CAMK2D: variants seen among roughly 807,000 people sequenced by gnomAD.
CAMK2D encodes the protein calcium/calmodulin dependent protein kinase II delta, also known as calcium/calmodulin-dependent protein kinase type II subunit delta.
A neutral mutation model predicts 84.0 loss-of-function variants in CAMK2D; 37 were observed. The observed-to-expected ratio is 0.44, with a 90% CI of 0.34 to 0.58. The LOEUF is 0.58. Ranked by LOEUF, CAMK2D falls within the 20% of genes least tolerant of loss-of-function variation. The probability of loss-of-function intolerance (pLI) is 0.02; values close to 1 mark genes in which losing one functional copy is unlikely to be tolerated. For missense variants in CAMK2D, 448 were observed against 652.5 expected (o/e 0.69, Z 3.41); for synonymous variants, 202 against 212.5 (o/e 0.95, Z 0.43).
intron 3 of CAMK2D, among the ~76,000 whole-genome samples, chr4:113,633,124 C>T (rs527787585): frequency 3.9e-5 from 6 of 152,238 alleles, no homozygotes; most frequent in East Asian, 1.9e-4. Context: ...GGAAACTAAA[C>T]GTAGGCATTA....
intron 3 of CAMK2D, among the ~76,000 whole-genome samples, chr4:113,630,992 T>C (rs894940638): frequency 1.3e-5 from 2 of 152,134 alleles, no homozygotes; most frequent in African/African-American, 4.8e-5. Flanking sequence ...TCACGACATA[T>C]TAAAAAAATC....
chr4:113,494,661 G>C lies in CAMK2D; in HGVS notation c.1135+5802C>G, dbSNP rs1052233787. 6.1e-3 allele frequency among the ~76,000 whole-genome samples: 922 copies of C among 152,344 alleles called. 8 individuals are homozygous for C. The highest frequency in any genetic ancestry group is 0.021 in the African/African-American group (863 of 41,574). On this transcript the variant is annotated intron_variant, in intron 16 of 20. Transcript: ENST00000511664. ...GGCAGGCCTCCTTGAGCTGTGGTGG[G>C]CTCCACCCAGTTCGAGCTTCCCGGC... is the stretch of plus-strand genomic sequence containing the variant.
intron 2 of CAMK2D, among the ~76,000 whole-genome samples, chr4:113,665,841 C>T (rs1245895161): frequency 2.6e-5 from 4 of 152,164 alleles, no homozygotes; most frequent in Admixed American, 2.6e-4. Context: ...GCCATATAAA[C>T]AATGCCTTAA....
chr4:113,506,822 CT>C (rs1288315918), intron 13 of CAMK2D, among the ~76,000 whole-genome samples: 2 of 152,092 alleles, frequency 1.3e-5, no homozygotes, highest in Non-Finnish European at 2.9e-5. Flanking sequence ...CCAAGAACTG[CT>C]TTATTTTAGT....
intron 2 of CAMK2D, among the ~76,000 whole-genome samples, chr4:113,694,069 G>C (rs1202296353): frequency 6.6e-6 from 1 of 152,088 alleles, no homozygotes; most frequent in Non-Finnish European, 1.5e-5. Flanking sequence ...GAAAATTAAA[G>C]ACGCATTCAT....
chr4:113,466,680 T>C (rs961076448), intron 16 of CAMK2D, among the ~76,000 whole-genome samples: 15 of 152,210 alleles, frequency 9.9e-5, no homozygotes, highest in Middle Eastern at 6.3e-3. Context: ...TTGTTTCTAT[T>C]CCTAGCCCAT....
At chr4:113,608,389 T>C (rs62315054) in intron 4 of CAMK2D, among the ~76,000 whole-genome samples, 9,566 of 152,318 alleles carry the variant, frequency 0.063, 436 homozygotes, top group Non-Finnish European at 0.095. Flanking sequence ...ATTATGTAGC[T>C]ATTTCTCTAT....
At chr4:113,639,080 CA>C (rs779226375) in intron 3 of CAMK2D, among the ~76,000 whole-genome samples, 376 of 127,228 alleles carry the variant, frequency 3.0e-3, no homozygotes, top group Admixed American at 2.9e-3. Flanking sequence ...TTGCCTCTAC[CA>C]AAAAAAAAAA....
chr4:113,505,074 A>T (rs553962054), intron 13 of CAMK2D, 39 bp from the exon 14 acceptor site: 55 of 1,291,604 alleles, frequency 4.3e-5, no homozygotes, highest in Middle Eastern at 1.8e-4. Context: ...GATGCCTTAA[A>T]CCCCTTGGTA....
At chr4:113,623,738 CTGTGTGTGTGTG>C (rs3064581) in intron 3 of CAMK2D, among the ~76,000 whole-genome samples, 1 of 148,954 alleles carries the variant, frequency 6.7e-6, no homozygotes, top group Non-Finnish European at 1.5e-5. Context: ...TATGCAGTGA[CTGTGTGTGTGTG>C]TGTGTGTGTG....
intron 2 of CAMK2D, among the ~76,000 whole-genome samples, chr4:113,696,267 C>A (rs1254662705): frequency 6.6e-6 from 1 of 151,440 alleles, no homozygotes; most frequent in African/African-American, 2.4e-5. Context: ...TCCCTTGCAT[C>A]ATTCTTCTCC....
intron 3 of CAMK2D, among the ~76,000 whole-genome samples, chr4:113,618,174 CTAAGTG>C (rs1390598893): frequency 2.6e-5 from 4 of 152,128 alleles, no homozygotes; most frequent in Non-Finnish European, 4.4e-5. Flanking sequence ...ATATGATTCT[CTAAGTG>C]TAAGAGTTTT....
chr4:113,636,923 C>G (rs2099112058), intron 3 of CAMK2D, among the ~76,000 whole-genome samples: 1 of 152,128 alleles, frequency 6.6e-6, no homozygotes, highest in South Asian at 2.1e-4. Context: ...AGGGCCCCTG[C>G]CCTACTTCCA....
intron 13 of CAMK2D, among the ~76,000 whole-genome samples, chr4:113,507,433 G>GTTTGT (rs1407669232): frequency 8.4e-6 from 1 of 119,212 alleles, no homozygotes; most frequent in East Asian, 2.0e-4. Flanking sequence ...TTTTTTGTTT[G>GTTTGT]TTTGTTTTTT....
chr4:113,740,158 T>C (rs147624922), intron 2 of CAMK2D, among the ~76,000 whole-genome samples: 20 of 152,248 alleles, frequency 1.3e-4, no homozygotes, highest in African/African-American at 4.6e-4. Flanking sequence ...CCTAGGTATA[T>C]ACCCAAGAAA....
At chr4:113,455,521 C>G (rs1226056174) in intron 20 of CAMK2D, among the ~76,000 whole-genome samples, 1 of 152,068 alleles carries the variant, frequency 6.6e-6, no homozygotes, top group Non-Finnish European at 1.5e-5. Flanking sequence ...GTGTTTATTA[C>G]CTTTAAAATA....
intron 3 of CAMK2D, among the ~76,000 whole-genome samples, chr4:113,613,233 G>A (rs1482459169): frequency 6.6e-6 from 1 of 152,100 alleles, no homozygotes; most frequent in East Asian, 1.9e-4. Context: ...AATGTTCACA[G>A]GCTTAGAGGT....
chr4:113,590,202 A>T (rs1198867946), intron 4 of CAMK2D, among the ~76,000 whole-genome samples: 1 of 152,224 alleles, frequency 6.6e-6, no homozygotes, highest in African/African-American at 2.4e-5. Flanking sequence ...ATGAATATTT[A>T]TTGAGCATTT....
chr4:113,694,738 A>G (rs2099397820), intron 2 of CAMK2D, among the ~76,000 whole-genome samples: 2 of 152,234 alleles, frequency 1.3e-5, no homozygotes, highest in Admixed American at 1.3e-4. Flanking sequence ...ATCAGTTTTA[A>G]TAAGCTTTTC....
Sources: allele counts gnomAD v4.1 joint callset (sites outside exome capture counted in the v4.1 genomes callset), GRCh38; gene constraint gnomAD v4.1.1; transcripts MANE v1.5; gene names NCBI Gene and HGNC (gene_info 2026-07-23, HGNC 2026-07-21).